ZNF365: variants seen among roughly 807,000 people sequenced by gnomAD.
The protein encoded by ZNF365 is zinc finger protein 365.
In ZNF365, 22 loss-of-function variants were observed where a neutral mutation model predicts 35.0. The observed-to-expected ratio is 0.63, with a 90% CI of 0.45 to 0.90. The LOEUF (loss-of-function observed/expected upper bound fraction) is 0.90. Among genes scored for constraint, ZNF365 ranks in the 40% least tolerant of loss-of-function variants. The pLI, the probability that ZNF365 is intolerant of heterozygous loss-of-function variation, is 0.00. For synonymous variants in ZNF365, 188 were observed against 196.2 expected (o/e 0.96, Z 0.35); for missense variants, 448 against 500.3 (o/e 0.90, Z 1.00).
intron 3 of ZNF365, among the ~76,000 whole-genome samples, chr10:62,436,492 A>C (rs189752158): frequency 6.7e-4 from 102 of 152,370 alleles, no homozygotes; most frequent in African/African-American, 2.1e-3. Flanking sequence ...TTGTAATAAC[A>C]CATAAAAATA....
chr10:62,406,023 G>T (rs1440735745), downstream of ZNF365, among the ~76,000 whole-genome samples: 1 of 152,138 alleles, frequency 6.6e-6, no homozygotes, highest in Non-Finnish European at 1.5e-5. Flanking sequence ...AAAGGGTAAG[G>T]GATACCCGAG....
chr10:62,412,244 T>C (rs1186107569), intron 3 of ZNF365, among the ~76,000 whole-genome samples: 2 of 152,002 alleles, frequency 1.3e-5, no homozygotes, highest in Non-Finnish European at 2.9e-5. Context: ...CATTGCTTCA[T>C]GTTAAAAACT....
intron 3 of ZNF365, among the ~76,000 whole-genome samples, chr10:62,425,678 C>G (rs1011662637): frequency 6.6e-6 from 1 of 152,180 alleles, no homozygotes; most frequent in Non-Finnish European, 1.5e-5. Context: ...TCTCAGGAGG[C>G]CTTCCCTGCT....
In ZNF365 at chr10:62,402,043, C is replaced by T. The variant is rs1839838617; in HGVS notation, c.*2254C>T. ...AGATGGCTTACTCAGAAGCATACTC[C>T]ACTTAACATACCATGGCCTGAGCTA... On this transcript the variant is annotated 3_prime_UTR_variant, in exon 5 of 5. Transcript: ENST00000395254. The T allele has an allele frequency of 1.0e-6, 1 of 985,560 alleles. No homozygotes were observed. Among genetic ancestry groups the T allele is most frequent in the South Asian group, 4.7e-5 (1 of 21,282 alleles). The allele number at this position is 985,560 out of a possible 1,614,324, so 61.1% of individuals were successfully genotyped here.
chr10:62,469,980 T>G (rs1841007151), intron 4 of ZNF365, among the ~76,000 whole-genome samples: 1 of 152,232 alleles, frequency 6.6e-6, no homozygotes, highest in South Asian at 2.1e-4. Context: ...TCTTTTAATG[T>G]GTATATATTG....
downstream of ZNF365, among the ~76,000 whole-genome samples, chr10:62,405,585 T>C (rs1839893455): frequency 1.3e-5 from 2 of 152,238 alleles, no homozygotes; most frequent in South Asian, 4.1e-4. Flanking sequence ...TTAACATTTA[T>C]GATTGGTTAT....
chr10:62,480,203 T>A (rs1227111726), exon 5 of ZNF365: 1 of 1,120,248 alleles, frequency 8.9e-7, no homozygotes. Flanking sequence ...AGAACATTTG[T>A]CCCTATGAGA....
At chr10:62,420,193 T>C (rs1438482826) in intron 3 of ZNF365, among the ~76,000 whole-genome samples, 1 of 152,230 alleles carries the variant, frequency 6.6e-6, no homozygotes, top group Non-Finnish European at 1.5e-5. Context: ...TTTTCCTTTT[T>C]TGTATTGACA....
intron 4 of ZNF365, among the ~76,000 whole-genome samples, chr10:62,461,337 C>A (rs1840844010): frequency 1.3e-5 from 2 of 152,206 alleles, no homozygotes; most frequent in African/African-American, 2.4e-5. Flanking sequence ...GGACTGCCCC[C>A]AGTCGGAGGG....
At position 62,407,549 on chromosome 10, in the gene ZNF365, G is replaced by GA. The variant is rs571400422; in HGVS notation, c.924+18978dup. Among the ~76,000 whole-genome samples the GA allele has an allele frequency of 2.4e-3, 370 of 151,700 alleles. 1 individual carries two copies. The highest frequency in any genetic ancestry group is 8.5e-3 in the African/African-American group (352 of 41,218). On this transcript the variant is annotated intron_variant, in intron 3 of 4. Coordinates refer to the ZNF365 transcript ENST00000395255. ...GATCCCCTTAAAAACACCAGCCCAG[G>GA]AAAAATCAGGGAGATGGATTTGAGG...
downstream of ZNF365, among the ~76,000 whole-genome samples, chr10:62,405,477 C>T (rs780273404): frequency 6.6e-6 from 1 of 152,160 alleles, no homozygotes; most frequent in Non-Finnish European, 1.5e-5. Context: ...GCCAATGCTC[C>T]TTCACCGTGT....
chr10:62,392,752 T>C (rs1839653446), intron 3 of ZNF365, among the ~76,000 whole-genome samples: 1 of 152,106 alleles, frequency 6.6e-6, no homozygotes, highest in Non-Finnish European at 1.5e-5. Context: ...TGCCTCAGCC[T>C]CCTGAGTAGC....
chr10:62,381,064 A>G (rs1839431139), intron 2 of ZNF365, among the ~76,000 whole-genome samples: 1 of 152,210 alleles, frequency 6.6e-6, no homozygotes, highest in African/African-American at 2.4e-5. Flanking sequence ...AGGGATACTC[A>G]GGAACATGCA....
intron 2 of ZNF365, among the ~76,000 whole-genome samples, chr10:62,379,024 A>T (rs1243786150): frequency 3.1e-4 from 43 of 138,978 alleles, no homozygotes; most frequent in Non-Finnish European, 3.6e-4. Flanking sequence ...TTACGAGTTG[A>T]TTTTTTTTTT....
At chr10:62,380,731 T>C (rs560119249) in intron 2 of ZNF365, among the ~76,000 whole-genome samples, 1 of 152,318 alleles carries the variant, frequency 6.6e-6, no homozygotes, top group Admixed American at 6.5e-5. Flanking sequence ...GGTATTTACT[T>C]ATTGAAGAGT....
intron 3 of ZNF365, among the ~76,000 whole-genome samples, chr10:62,389,269 G>A (rs1839582347): frequency 6.7e-6 from 1 of 148,898 alleles, no homozygotes; most frequent in South Asian, 2.2e-4. Flanking sequence ...CCATACTCTA[G>A]GTCGATGGGG....
chr10:62,433,277 C>T (rs1487177239), intron 3 of ZNF365, among the ~76,000 whole-genome samples: 1 of 152,156 alleles, frequency 6.6e-6, no homozygotes, highest in East Asian at 1.9e-4. Flanking sequence ...TTCTCTCAGA[C>T]AGTAGACAAA....
chr10:62,476,571 C>A (rs1217800594), intron 4 of ZNF365, among the ~76,000 whole-genome samples: 1 of 152,234 alleles, frequency 6.6e-6, no homozygotes, highest in Non-Finnish European at 1.5e-5. Context: ...AAAGATTGTT[C>A]TGCCACCTGA....
chr10:62,475,710 C>A (rs1841118707), intron 4 of ZNF365, among the ~76,000 whole-genome samples: 1 of 152,204 alleles, frequency 6.6e-6, no homozygotes, highest in Non-Finnish European at 1.5e-5. Context: ...GTCACATTTC[C>A]TCCCAGTGAG....
Sources: gnomAD v4.1 joint callset for allele counts (sites outside exome capture counted in the v4.1 genomes callset) on GRCh38, gnomAD v4.1.1 for gene constraint, MANE v1.5 for transcripts, NCBI Gene and HGNC (gene_info 2026-07-23, HGNC 2026-07-21) for gene names.